The following LMAN1 variants were observed in gnomAD, a reference collection of about 807,000 sequenced individuals.
The protein encoded by LMAN1 is protein ERGIC-53.
A neutral mutation model predicts 67.8 loss-of-function variants in LMAN1; 32 were observed. The observed-to-expected ratio is 0.47, with a 90% confidence interval of 0.36 to 0.63. The LOEUF is 0.63. Among genes scored for constraint, LMAN1 ranks in the 30% least tolerant of loss-of-function variants. The pLI is 0.00. For missense variants in LMAN1, 632 were observed against 628.2 expected (o/e 1.01, Z -0.06); for synonymous variants, 235 against 219.3 (o/e 1.07, Z -0.63).
In LMAN1 at chr18:59,330,998, A is replaced by T; in HGVS notation, c.*95T>A. ...AAACAGTTATTTTATTAAGAAAATT[A>T]ATAATTTAGACTATGAAGCAATTTA... On this transcript the variant is annotated 3_prime_UTR_variant, in exon 13 of 13. Coordinates refer to ENST00000251047, the MANE Select transcript of LMAN1 (RefSeq NM_005570.4). 1 of 820,746 alleles carries T rather than the reference A, an allele frequency of 1.2e-6. No homozygotes were observed. The highest frequency in any genetic ancestry group is 2.0e-6 in the Non-Finnish European group (1 of 492,882). The allele number at this position is 820,746 out of a possible 1,614,324, so 50.8% of individuals were successfully genotyped here.
At chr18:59,345,409 T>G (rs968043154) in intron 8 of LMAN1, among the ~76,000 whole-genome samples, 5 of 152,232 alleles carry the variant, frequency 3.3e-5, no homozygotes, top group African/African-American at 9.6e-5. Context: ...CAGGATTCTA[T>G]CGAGTAGTAT....
rs377234365 is a variant in LMAN1 at position 59,331,558 on chromosome 18, T to C, written c.1375-19A>G. On this transcript the variant is annotated intron_variant, in intron 11 of 12. Transcript: ENST00000251047. ...TTGATGGCTGTAAGGCAAATGACTT[T>C]CTATTACAGTTAGTCAAAATAGCAG... The C allele has an allele frequency of 1.2e-6, 2 of 1,611,928 alleles. No individual in the cohort carries two copies. Among genetic ancestry groups the C allele is most frequent in the Middle Eastern group, 1.7e-4 (1 of 6,050 alleles).
chr18:59,338,142 T>C (rs1908201328), intron 10 of LMAN1, among the ~76,000 whole-genome samples: 1 of 152,226 alleles, frequency 6.6e-6, no homozygotes, highest in African/African-American at 2.4e-5. Flanking sequence ...AATGGTTTCA[T>C]TCCATCAAAA....
Position 59,359,109 on chromosome 18 carries a change from A to C in LMAN1, c.136T>G (p.Phe46Val), listed in dbSNP as rs1908736204. 6.2e-7 allele frequency: 1 copy of C among 1,613,882 alleles called. No homozygotes were observed. Among genetic ancestry groups the C allele is most frequent in the African/African-American group, 1.3e-5 (1 of 74,896 alleles). ...CCCTTGAAGCTGTATTTGTACTCGAAACGGCGATGTGGCAACGCGACCGCG... is the reference window on the plus strand; with the variant it reads ...CCCTTGAAGCTGTATTTGTACTCGACACGGCGATGTGGCAACGCGACCGCG... ...DPAVALPHRR[F>V]EYKYSFKGPH... is the part of the protein sequence containing the mutation. Residue 46 changes from phenylalanine (F) to valine (V), a missense_variant, in exon 1 of 13, where the codon TTC (phenylalanine) becomes GTC (valine). By Grantham distance (50) the Phe-to-Val change is conservative. Transcript: ENST00000251047.
At chr18:59,353,821 A>G (rs143356562) in intron 4 of LMAN1, among the ~76,000 whole-genome samples, 2 of 152,338 alleles carry the variant, frequency 1.3e-5, no homozygotes, top group African/African-American at 4.8e-5. Context: ...AAATCCTCAG[A>G]TGCTGAAGTC....
intron 6 of LMAN1, among the ~76,000 whole-genome samples, chr18:59,348,325 T>A (rs1603395536): frequency 6.6e-6 from 1 of 152,346 alleles, no homozygotes; most frequent in Admixed American, 6.5e-5. Context: ...AATACTGTAG[T>A]GTAGACTAAG....
chr18:59,352,917 AT>A (rs1428078839), intron 5 of LMAN1: 25 of 376,296 alleles, frequency 6.6e-5, no homozygotes, highest in South Asian at 5.1e-4. Context: ...CTATCTATCT[AT>A]CTACCTATCT....
intron 5 of LMAN1, among the ~76,000 whole-genome samples, chr18:59,349,482 G>C (rs1432827823): frequency 6.6e-6 from 1 of 152,130 alleles, no homozygotes; most frequent in Non-Finnish European, 1.5e-5. Context: ...TTCTAAAATG[G>C]AATATGGTTT....
chr18:59,353,099 G>A lies in LMAN1; in HGVS notation c.639+103C>T, dbSNP rs942332116. On this transcript the variant is annotated intron_variant, in intron 5 of 12. Coordinates refer to ENST00000251047, the MANE Select transcript of LMAN1 (RefSeq NM_005570.4). ...TAGAGTAACAATGAAGAGTATGTAA[G>A]CATATCCAAATTTAAGTGCATTTAA... is the stretch of plus-strand genomic sequence containing the variant. The A allele has an allele frequency of 7.1e-6, 7 of 989,468 alleles. No homozygotes were observed. In the African/African-American group the frequency reaches 9.6e-5, roughly 14 times the overall value. The allele number at this position is 989,468 out of a possible 1,614,324, so 61.3% of individuals were successfully genotyped here.
At position 59,330,447 on chromosome 18, in the gene LMAN1, T is replaced by C. The variant is rs2070740910; in HGVS notation, c.*646A>G. 1 of 152,462 alleles carries C rather than the reference T, an allele frequency of 6.6e-6. No homozygotes were observed. 9.4% of individuals were successfully genotyped at this position (152,462 alleles called of 1,614,324 possible). A position where few individuals can be genotyped will look rare whatever the true frequency, so the allele number is the denominator to read the frequency against. ...AGGAATGTTTCCACCCACAAGGTTT[T>C]TTAGGCAAAAAGCAGCTATTAATTT... is the stretch of plus-strand genomic sequence containing the variant. On this transcript the variant is annotated 3_prime_UTR_variant, in exon 13 of 13. Coordinates refer to ENST00000251047, the MANE Select transcript of LMAN1 (RefSeq NM_005570.4).
intron 10 of LMAN1, among the ~76,000 whole-genome samples, chr18:59,336,755 G>C (rs1384504223): frequency 6.6e-6 from 1 of 151,950 alleles, no homozygotes; most frequent in Non-Finnish European, 1.5e-5. Flanking sequence ...GTGGTGGCAT[G>C]TACCTGTAGT....
chr18:59,353,382 A>C, intron 4 of LMAN1, 81 bp from the exon 5 acceptor site: 19 of 1,016,238 alleles, frequency 1.9e-5, no homozygotes, highest in Non-Finnish European at 2.8e-5. Context: ...AAATAATATC[A>C]AGTTATGAAA....
intron 8 of LMAN1, among the ~76,000 whole-genome samples, chr18:59,340,352 A>G (rs1327410538): frequency 1.3e-5 from 2 of 152,198 alleles, no homozygotes; most frequent in African/African-American, 4.8e-5. Context: ...CAGAATGTCT[A>G]AAGTCAATGT....
rs144795065 is a variant in LMAN1, at chr18:59,328,262, T to C, written c.*2831A>G. The C allele has an allele frequency of 1.3e-5, 2 of 152,320 alleles. No homozygotes were observed. Among genetic ancestry groups the C allele is most frequent in the African/African-American group, 4.8e-5 (2 of 41,582 alleles). 9.4% of individuals were successfully genotyped at this position (152,320 alleles called of 1,614,324 possible). ...AAAAAGTACAACTGTCTGATATAAA[T>C]TGTTACCATAATCACAATCAGGAAG... On this transcript the variant is annotated 3_prime_UTR_variant, in exon 13 of 13. Transcript: ENST00000251047.
At position 59,338,458 on chromosome 18, in the gene LMAN1, C is replaced by T. The variant is rs948946033; in HGVS notation, c.1220+99G>A. On this transcript the variant is annotated intron_variant, in intron 10 of 12. Coordinates refer to ENST00000251047, the MANE Select transcript of LMAN1 (RefSeq NM_005570.4). ...GAATCTAGAACGGGATTCTTACCCTCATGCAGAAATCTTGCAATACAGTGC... is the reference window on the plus strand; with the variant it reads ...GAATCTAGAACGGGATTCTTACCCTTATGCAGAAATCTTGCAATACAGTGC... 139 of 880,126 alleles carry T rather than the reference C, an allele frequency of 1.6e-4. No individual in the cohort carries two copies. The East Asian group carries it at 3.5e-3, about 22-fold the overall frequency. The allele number at this position is 880,126 out of a possible 1,614,324, so 54.5% of individuals were successfully genotyped here.
rs368836543 is a variant in LMAN1 at position 59,338,912 on chromosome 18, G to T, written c.997C>A (p.Gln333Lys). The change falls in exon 9 of 13, where the codon CAA becomes AAA. Residue 333 changes from glutamine (Q) to lysine (K), a missense_variant. Gln to Lys is a moderately conservative substitution (Grantham distance 53). Coordinates refer to ENST00000251047, the MANE Select transcript of LMAN1 (RefSeq NM_005570.4). Reference protein sequence around the residue: ...FESVGDRELRQVFEGQNRIHL... With the variant: ...FESVGDRELRKVFEGQNRIHL... ...ATACGATTCTGTCCTTCAAAGACTT[G>T]TCTTAGCTCTCGATCTCCTACACTC... 16 of 1,613,364 alleles carry T rather than the reference G, an allele frequency of 9.9e-6. No homozygotes were observed. The highest frequency in any genetic ancestry group is 1.3e-5 in the African/African-American group (1 of 74,866).
At chr18:59,351,125 A>G (rs1908534695) in intron 5 of LMAN1, among the ~76,000 whole-genome samples, 1 of 152,220 alleles carries the variant, frequency 6.6e-6, no homozygotes, top group African/African-American at 2.4e-5. Flanking sequence ...ATACTTCTTG[A>G]GCACTTCACA....
intron 10 of LMAN1, among the ~76,000 whole-genome samples, chr18:59,337,221 G>T (rs1908179548): frequency 6.7e-6 from 1 of 150,208 alleles, no homozygotes; most frequent in African/African-American, 2.4e-5. Context: ...TTATCAAAAT[G>T]TGGAACTTCC....
chr18:59,336,901 A>C (rs1374357390), intron 10 of LMAN1, among the ~76,000 whole-genome samples: 3 of 150,606 alleles, frequency 2.0e-5, no homozygotes, highest in African/African-American at 2.4e-5. Flanking sequence ...TAAATAAATA[A>C]ATACATAAAA....
Sources: gnomAD v4.1 joint callset for allele counts (sites outside exome capture counted in the v4.1 genomes callset) on GRCh38, gnomAD v4.1.1 for gene constraint, MANE v1.5 for transcripts, NCBI Gene and HGNC (gene_info 2026-07-23, HGNC 2026-07-21) for gene names.